FBXL16: variants seen among roughly 807,000 people sequenced by gnomAD.
FBXL16 encodes the protein F-box/LRR-repeat protein 16.
FBXL16 carries 7 observed loss-of-function variants against 36.7 expected under a neutral mutation model. That is an observed-to-expected ratio of 0.19 (90% CI 0.11 to 0.36). The LOEUF (loss-of-function observed/expected upper bound fraction) is 0.36, where lower values mean the gene tolerates loss of function less well. Among genes scored for constraint, FBXL16 ranks in the 10% least tolerant of loss-of-function variants. FBXL16 has a pLI of 1.00. For missense variants in FBXL16, 463 were observed against 659.4 expected (o/e 0.70, Z 3.26); for synonymous variants, 355 against 308.7 (o/e 1.15, Z -1.57).
At chr16:702,918 G>T (rs1054411174) in intron 1 of FBXL16, among the ~76,000 whole-genome samples, 3 of 152,228 alleles carry the variant, frequency 2.0e-5, no homozygotes, top group Non-Finnish European at 2.9e-5. Flanking sequence ...AGGGAAGGGG[G>T]TCCTCCTGCC....
rs561166074 is a variant in FBXL16 at position 698,446 on chromosome 16, G to A, written c.-14-1027C>T. On this transcript the variant is annotated intron_variant, in intron 1 of 5. Coordinates refer to ENST00000397621, the MANE Select transcript of FBXL16 (RefSeq NM_153350.4). Reference sequence around the variant, plus strand: ...GCTCTCTTGACCTCTCTGCTGTGCCGTCCACTGTAGGTACCCACCAGGCCC... The same window carrying A: ...GCTCTCTTGACCTCTCTGCTGTGCCATCCACTGTAGGTACCCACCAGGCCC... Among the ~76,000 whole-genome samples, 14 of 152,332 alleles carry A rather than the reference G, an allele frequency of 9.2e-5. No individual in the cohort carries two copies. In the South Asian group the frequency reaches 2.9e-3, roughly 32 times the overall value.
intron 4 of FBXL16, 132 bp downstream of exon 4, chr16:694,860 G>A (rs986920152): frequency 1.2e-5 from 15 of 1,249,252 alleles, no homozygotes; most frequent in Non-Finnish European, 1.7e-5. Context: ...CGGGACCCCT[G>A]CGTTCCGCTT....
rs1157072167 is a variant in FBXL16 at position 693,435 on chromosome 16, G to C, written c.*840C>G. 1 of 152,484 alleles carries C rather than the reference G, an allele frequency of 6.6e-6. No homozygotes were observed. The highest frequency in any genetic ancestry group is 6.5e-5 in the Admixed American group (1 of 15,286). 9.4% of individuals were successfully genotyped at this position (152,484 alleles called of 1,614,324 possible). Reference sequence around the variant, plus strand: ...AGGCCTGAGGGTGGCTACAGCTCGAGGCTTGCAAGGTGCCTGCGCCACCCC... The same window carrying C: ...AGGCCTGAGGGTGGCTACAGCTCGACGCTTGCAAGGTGCCTGCGCCACCCC... On this transcript the variant is annotated 3_prime_UTR_variant, in exon 6 of 6. Transcript: ENST00000397621.
chr16:696,488 G>T (rs4984914), intron 2 of FBXL16, among the ~76,000 whole-genome samples: 40,000 of 152,066 alleles, frequency 0.26, 6,177 homozygotes, highest in East Asian at 0.72. Context: ...GGTCATGAAC[G>T]CCTAACCTCA....
chr16:694,965 C>T (rs1380311230), intron 4 of FBXL16, 27 bp downstream of exon 4: 1 of 1,520,000 alleles, frequency 6.6e-7, no homozygotes, highest in Admixed American at 2.1e-5. Flanking sequence ...CGCCGATCCC[C>T]CAATCCCGGG....
At position 697,169 on chromosome 16, in the gene FBXL16, T is replaced by C; in HGVS notation, c.237A>G (p.Gly79=). The change falls in exon 2 of 6, where the codon GGA becomes GGG. Residue 79 remains glycine (G), a synonymous_variant. Coordinates refer to ENST00000397621, the MANE Select transcript of FBXL16 (RefSeq NM_153350.4). This position sits in a 1 kb window ranked among gnomAD's most constrained non-coding sequence, Gnocchi z 4.6. ...LAGGPCTPAG[G]PASALAPGHP... Reference sequence around the variant, plus strand: ...GCCCAGGTGCCAAGGCTGAGGCTGGTCCACCTGCCGGGGTGCACGGGCCCC... The same window carrying C: ...GCCCAGGTGCCAAGGCTGAGGCTGGCCCACCTGCCGGGGTGCACGGGCCCC... 4 of 1,569,886 alleles carry C rather than the reference T, an allele frequency of 2.5e-6. No homozygotes were observed. Among genetic ancestry groups the C allele is most frequent in the South Asian group, 1.2e-5 (1 of 86,332 alleles).
intron 1 of FBXL16, among the ~76,000 whole-genome samples, chr16:701,597 TG>T (rs2040057787): frequency 6.6e-6 from 1 of 152,082 alleles, no homozygotes. Context: ...TGCTTGGCCC[TG>T]GGCCCGGCCC....
chr16:694,473 C>G, intron 5 of FBXL16, 50 bp from the exon 6 acceptor site: 1 of 1,502,186 alleles, frequency 6.7e-7, no homozygotes, highest in Non-Finnish European at 8.9e-7. Flanking sequence ...AGGGCTCGGG[C>G]GGGGACGGCC....
chr16:697,020 T>A lies in FBXL16; in HGVS notation c.386A>T (p.Tyr129Phe). 1 of 1,598,092 alleles carries A rather than the reference T, an allele frequency of 6.3e-7. No individual in the cohort carries two copies. Among genetic ancestry groups the A allele is most frequent in the South Asian group, 1.1e-5 (1 of 88,724 alleles). ...GAGGCCTGCCCAGAACTTGGGCTGG[T>A]ACAGCACGCGCCGCCAGGCCTTGCA... ...QVCKAWRRVL[Y>F]QPKFWAGLTP... The change falls in exon 2 of 6, where the codon TAC becomes TTC. Residue 129 changes from tyrosine (Y) to phenylalanine (F), a missense_variant. Coordinates refer to ENST00000397621, the MANE Select transcript of FBXL16 (RefSeq NM_153350.4). This position sits in a 1 kb window ranked among gnomAD's most constrained non-coding sequence, Gnocchi z 4.6.
chr16:704,565 T>C (rs7200757), intron 1 of FBXL16, among the ~76,000 whole-genome samples: 52,164 of 152,142 alleles, frequency 0.34, 10,859 homozygotes, highest in East Asian at 0.64. Flanking sequence ...CAGAAAACCC[T>C]TCAGTCTCCT....
rs757549272 is a variant in FBXL16, at chr16:695,056, G to A, written c.1163C>T (p.Thr388Ile). 1 of 1,603,074 alleles carries A rather than the reference G, an allele frequency of 6.2e-7. No individual in the cohort carries two copies. Among genetic ancestry groups the A allele is most frequent in the East Asian group, 2.2e-5 (1 of 44,460 alleles). The change falls in exon 4 of 6, where the codon ACT becomes ATT. Residue 388 changes from threonine (T) to isoleucine (I), a missense_variant. Transcript: ENST00000397621. ...CATGGTGGACAGATAGCTGAGGCCA[G>A]TGTCCGTGATGCGTACACACCTGTG... ...VLDRCVRITD[T>I]GLSYLSTMSS...
rs368373246 is a variant in FBXL16, at chr16:694,627, G to A, written c.1291+7C>T. ...TGCCAGCGTCAGAGCAGAAACGGGG[G>A]TCTCACCTGCCAGAGACAGGAGGCG... On this transcript the variant is annotated splice_region_variant and intron_variant, in intron 5 of 5. Transcript: ENST00000397621. The A allele has an allele frequency of 6.2e-7, 1 of 1,608,070 alleles. No individual in the cohort carries two copies. Among genetic ancestry groups the A allele is most frequent in the African/African-American group, 1.3e-5 (1 of 74,994 alleles).
chr16:696,989 C>T lies in FBXL16; in HGVS notation c.417G>A (p.Pro139=), dbSNP rs200634019. The T allele has an allele frequency of 4.0e-5, 64 of 1,594,670 alleles. No individual in the cohort carries two copies. The highest frequency in any genetic ancestry group is 1.1e-4 in the African/African-American group (8 of 74,616). ...YQPKFWAGLT[P]VLHAKELYNV... is the part of the protein sequence containing the mutation. Reference sequence around the variant, plus strand: ...TGTAGAGCTCCTTGGCATGCAGCACCGGCGTGAGGCCTGCCCAGAACTTGG... The same window carrying T: ...TGTAGAGCTCCTTGGCATGCAGCACTGGCGTGAGGCCTGCCCAGAACTTGG... The change falls in exon 2 of 6, where the codon CCG becomes CCA. Residue 139 remains proline, a synonymous_variant. Transcript: ENST00000397621.
At chr16:700,761 C>CCGCCGGCCGGCG (rs2040049828) in intron 1 of FBXL16, among the ~76,000 whole-genome samples, 1 of 152,050 alleles carries the variant, frequency 6.6e-6, no homozygotes, top group Non-Finnish European at 1.5e-5. Context: ...TCCGCAGACC[C>CCGCCGGCCGGCG]CGCCGGCCGG....
chr16:705,728 C>T lies in FBXL16; in HGVS notation c.-231G>A, dbSNP rs1343674606. The T allele has an allele frequency of 6.7e-6, 1 of 148,870 alleles. No individual in the cohort carries two copies. Among genetic ancestry groups the T allele is most frequent in the East Asian group, 2.0e-4 (1 of 5,094 alleles). The allele number at this position is 148,870 out of a possible 1,614,324, so 9.2% of individuals were successfully genotyped here. A position where few individuals can be genotyped will look rare whatever the true frequency, so the allele number is the denominator to read the frequency against. ...TGGGAGAGGATCGGCCGCCCCAAGCCTCCCACCGGGGAGGCTGAGGCTGTG... is the reference window on the plus strand; with the variant it reads ...TGGGAGAGGATCGGCCGCCCCAAGCTTCCCACCGGGGAGGCTGAGGCTGTG... On this transcript the variant is annotated 5_prime_UTR_variant, in exon 1 of 6. Coordinates refer to ENST00000397621, the MANE Select transcript of FBXL16 (RefSeq NM_153350.4).
Position 695,653 on chromosome 16 carries a change from G to T in FBXL16, c.904C>A (p.Leu302Ile). ...TGGTTGGTGATCTCCCAGCAGGAGA[G>T]CAGGCGCAGCGTGTGCGTGCTGTGG... ...QGHSTHTLRL[L>I]SCWEITNHGV... The change falls in exon 3 of 6, where the codon CTC (leucine) becomes ATC (isoleucine). Residue 302 changes from leucine (L) to isoleucine (I), a missense_variant. Around this residue, in one of 3 missense-constraint regions of FBXL16, gnomAD observed 66 missense variants for 146.3 expected, o/e 0.45. Coordinates refer to ENST00000397621, the MANE Select transcript of FBXL16 (RefSeq NM_153350.4). 6.2e-7 allele frequency: 1 copy of T among 1,606,482 alleles called. No homozygotes were observed.
In FBXL16 at chr16:697,182, G is replaced by C. The variant is rs2040020346; in HGVS notation, c.224C>G (p.Thr75Ser). Reference sequence around the variant, plus strand: ...GGCTGAGGCTGGTCCACCTGCCGGGGTGCACGGGCCCCCAGCCAGGGCAGC... The same window carrying C: ...GGCTGAGGCTGGTCCACCTGCCGGGCTGCACGGGCCCCCAGCCAGGGCAGC... ...SRAALAGGPC[T>S]PAGGPASALA... The change falls in exon 2 of 6, where the codon ACC becomes AGC. Residue 75 changes from threonine (T) to serine (S), a missense_variant. Around this residue, in one of 3 missense-constraint regions of FBXL16, gnomAD observed 263 missense variants for 341.1 expected, o/e 0.77. Coordinates refer to ENST00000397621, the MANE Select transcript of FBXL16 (RefSeq NM_153350.4). This position sits in a 1 kb window ranked among gnomAD's most constrained non-coding sequence, Gnocchi z 4.6. 1 of 1,557,108 alleles carries C rather than the reference G, an allele frequency of 6.4e-7. No individual in the cohort carries two copies. The highest frequency in any genetic ancestry group is 1.4e-5 in the African/African-American group (1 of 73,154).
intron 1 of FBXL16, among the ~76,000 whole-genome samples, chr16:701,164 A>C (rs2040053533): frequency 6.6e-6 from 1 of 152,012 alleles, no homozygotes; most frequent in African/African-American, 2.4e-5. Context: ...CAGGGTCGAG[A>C]TGGAGAAACC....
intron 2 of FBXL16, 170 bp from the exon 3 acceptor site, chr16:696,093 G>C: frequency 1.0e-6 from 1 of 985,314 alleles, no homozygotes; most frequent in Non-Finnish European, 1.4e-6. Context: ...GGCAGGTGCT[G>C]GGGGCGTTGG....
Sources: allele counts gnomAD v4.1 joint callset (sites outside exome capture counted in the v4.1 genomes callset), GRCh38; gene constraint gnomAD v4.1.1; regional missense constraint gnomAD v4.1.1; non-coding constraint Gnocchi (gnomAD v3.1); transcripts MANE v1.5; gene names NCBI Gene and HGNC (gene_info 2026-07-23, HGNC 2026-07-21).